The following GTF2F2 variants were observed in gnomAD, a reference collection of about 807,000 sequenced individuals.
GTF2F2 encodes the protein general transcription factor IIF subunit 2, also known as ATP-dependent helicase GTF2F2.
Under a neutral mutation model 42.2 loss-of-function variants are expected in GTF2F2, and 23 were observed. The observed-to-expected ratio is 0.55, with a 90% CI of 0.39 to 0.77. The LOEUF (loss-of-function observed/expected upper bound fraction) is 0.77. Among genes scored for constraint, GTF2F2 ranks in the 30% least tolerant of loss-of-function variants. The pLI is 0.00. For synonymous variants in GTF2F2, 105 were observed against 100.8 expected (o/e 1.04, Z -0.25); for missense variants, 261 against 287.2 (o/e 0.91, Z 0.66).
chr13:45,254,266 T>C (rs1246363828), intron 6 of GTF2F2, among the ~76,000 whole-genome samples: 2 of 152,152 alleles, frequency 1.3e-5, no homozygotes, highest in Non-Finnish European at 2.9e-5. Flanking sequence ...GAGATATGTA[T>C]GTATAGGAAA....
Position 45,252,929 on chromosome 13 carries a change from G to A in GTF2F2, c.445G>A (p.Val149Ile). Residue 149 changes from valine (V) to isoleucine (I), a missense_variant, in exon 6 of 8, where the codon GTA becomes ATA. Physicochemically the swap from Val to Ile is conservative, Grantham distance 29. Coordinates refer to ENST00000340473, the MANE Select transcript of GTF2F2 (RefSeq NM_004128.3). Reference sequence around the variant, plus strand: ...GCTATCACAACAGCTGGACAAAGTTGTAACAACCAATTACAAACCTGTTGC... The same window carrying A: ...GCTATCACAACAGCTGGACAAAGTTATAACAACCAATTACAAACCTGTTGC... ...VRLSQQLDKV[V>I]TTNYKPVANH... 6.7e-7 allele frequency: 1 copy of A among 1,500,646 alleles called. No individual in the cohort carries two copies. The allele number at this position is 1,500,646 out of a possible 1,614,324, so 93.0% of individuals were successfully genotyped here.
intron 1 of GTF2F2, among the ~76,000 whole-genome samples, chr13:45,129,473 G>T (rs1869222908): frequency 7.2e-5 from 11 of 152,158 alleles, no homozygotes; most frequent in Admixed American, 7.2e-4. Context: ...GCCTCCCAAA[G>T]TGCTGGGATT....
chr13:45,140,406 A>G (rs1222951523), intron 2 of GTF2F2, among the ~76,000 whole-genome samples: 2 of 152,202 alleles, frequency 1.3e-5, no homozygotes, highest in Non-Finnish European at 2.9e-5. Context: ...TTTATTGGTC[A>G]GAAAACTCCA....
chr13:45,208,343 G>A (rs991598738), intron 5 of GTF2F2, among the ~76,000 whole-genome samples: 3 of 152,016 alleles, frequency 2.0e-5, no homozygotes, highest in African/African-American at 4.8e-5. Context: ...ATTTTATGAC[G>A]TTCAAAGAGT....
intron 4 of GTF2F2, among the ~76,000 whole-genome samples, chr13:45,157,589 A>T (rs1401300575): frequency 2.0e-5 from 3 of 152,072 alleles, no homozygotes; most frequent in Admixed American, 6.6e-5. Flanking sequence ...CCTGATATCC[A>T]GCTTTATATC....
rs1161627204 is a variant in GTF2F2 at position 45,127,938 on chromosome 13, CTTTTTTTTTTTTTT to C, written c.66+7235_66+7248del. On this transcript the variant is annotated intron_variant, in intron 1 of 7. Coordinates refer to ENST00000340473, the MANE Select transcript of GTF2F2 (RefSeq NM_004128.3). ...GAGCCACTGTGCCTGGCACCCCGGC[CTTTTTTTTTTTTTT>C]TTTTTTTTTTTTTTTTTCTTTTTTT... is the stretch of plus-strand genomic sequence containing the variant. 4.5e-3 allele frequency among the ~76,000 whole-genome samples: 217 copies of C among 48,608 alleles called. 1 individual carries two copies. In the South Asian group the frequency reaches 0.047, roughly 11 times the overall value. The allele number at this position is 48,608 out of a possible 152,430, so 31.9% of individuals were successfully genotyped here.
At chr13:45,244,334 A>T (rs752449517) in intron 5 of GTF2F2, among the ~76,000 whole-genome samples, 15 of 152,196 alleles carry the variant, frequency 9.9e-5, no homozygotes, top group Non-Finnish European at 1.9e-4. Flanking sequence ...AGAAAAATCC[A>T]ATTTTGTTTT....
Position 45,283,565 on chromosome 13 carries a change from G to T in GTF2F2, c.*4G>T. 1.2e-6 allele frequency: 2 copies of T among 1,606,622 alleles called. No homozygotes were observed. Among genetic ancestry groups the T allele is most frequent in the South Asian group, 2.2e-5 (2 of 89,576 alleles). On this transcript the variant is annotated 3_prime_UTR_variant, in exon 8 of 8. Coordinates refer to ENST00000340473, the MANE Select transcript of GTF2F2 (RefSeq NM_004128.3). The stretch of plus-strand genomic sequence containing the variant: ...AGGAGAAGAAAAGAGTGACTAAGAA[G>T]ACTCCTAGCCAGCATGCTAGTGAAA...
At chr13:45,198,880 A>G (rs1873036136) in intron 4 of GTF2F2, among the ~76,000 whole-genome samples, 1 of 152,134 alleles carries the variant, frequency 6.6e-6, no homozygotes, top group South Asian at 2.1e-4. Flanking sequence ...TTTGTGTGTT[A>G]AAAATAAAAA....
chr13:45,225,611 C>CAAAAAA (rs35637992), intron 5 of GTF2F2, among the ~76,000 whole-genome samples: 2 of 65,556 alleles, frequency 3.1e-5, no homozygotes, highest in African/African-American at 5.0e-5. Context: ...AGCTCTGTCT[C>CAAAAAA]AAAAAAAAAA....
chr13:45,222,955 A>G (rs1162250498), intron 5 of GTF2F2, among the ~76,000 whole-genome samples: 1 of 152,226 alleles, frequency 6.6e-6, no homozygotes, highest in Non-Finnish European at 1.5e-5. Context: ...CAGGAGTTCA[A>G]GACCATTCTG....
At chr13:45,245,857 C>T (rs9595275) in intron 5 of GTF2F2, among the ~76,000 whole-genome samples, 4 of 139,380 alleles carry the variant, frequency 2.9e-5, no homozygotes, top group Admixed American at 7.4e-5. Flanking sequence ...AGGAGAATGG[C>T]GTGAACCTGG....
At chr13:45,204,098 G>A (rs1873322004) in intron 4 of GTF2F2, among the ~76,000 whole-genome samples, 1 of 151,690 alleles carries the variant, frequency 6.6e-6, no homozygotes, top group Admixed American at 6.6e-5. Flanking sequence ...AGGTTTTTTG[G>A]GAGTCTATAC....
chr13:45,160,633 A>C (rs1441243794), intron 4 of GTF2F2, among the ~76,000 whole-genome samples: 1 of 152,186 alleles, frequency 6.6e-6, no homozygotes, highest in Non-Finnish European at 1.5e-5. Context: ...CATTAGCATC[A>C]CTACTGATTT....
In GTF2F2 at chr13:45,174,123, GT is replaced by G. The variant is rs535947719; in HGVS notation, c.304+22294del. On this transcript the variant is annotated intron_variant, in intron 4 of 7. Coordinates refer to ENST00000340473, the MANE Select transcript of GTF2F2 (RefSeq NM_004128.3). Reference sequence around the variant, plus strand: ...CCTCTCATTGAAGAATGTCTGGGTTGTTCCCAGATTTTGGCTACTACAAATA... The same window carrying G: ...CCTCTCATTGAAGAATGTCTGGGTTGTCCCAGATTTTGGCTACTACAAATA... Among the ~76,000 whole-genome samples the G allele has an allele frequency of 2.6e-4, 39 of 152,230 alleles. 1 individual carries two copies. The East Asian group carries it at 6.9e-3, about 27-fold the overall frequency.
intron 4 of GTF2F2, among the ~76,000 whole-genome samples, chr13:45,177,262 A>G (rs1871926597): frequency 6.6e-6 from 1 of 151,648 alleles, no homozygotes; most frequent in South Asian, 2.1e-4. Context: ...TTTTAGGCTC[A>G]CTCTCTTCTC....
chr13:45,191,920 AGAT>A (rs1872675043), intron 4 of GTF2F2, among the ~76,000 whole-genome samples: 1 of 152,142 alleles, frequency 6.6e-6, no homozygotes, highest in Non-Finnish European at 1.5e-5. Context: ...GCTTCTAAGG[AGAT>A]CTGTTCAGCT....
intron 6 of GTF2F2, among the ~76,000 whole-genome samples, chr13:45,260,791 G>C (rs565893839): frequency 6.6e-6 from 1 of 152,006 alleles, no homozygotes; most frequent in East Asian, 1.9e-4. Context: ...AGGCTGAGGC[G>C]GGTGGATCAC....
At chr13:45,280,477 C>G (rs1190727785) in intron 7 of GTF2F2, among the ~76,000 whole-genome samples, 1 of 152,148 alleles carries the variant, frequency 6.6e-6, no homozygotes, top group Non-Finnish European at 1.5e-5. Flanking sequence ...GTAAAATGGT[C>G]TTAGGTTGCA....
Sources: allele counts gnomAD v4.1 joint callset (sites outside exome capture counted in the v4.1 genomes callset), GRCh38; gene constraint gnomAD v4.1.1; transcripts MANE v1.5; gene names NCBI Gene and HGNC (gene_info 2026-07-23, HGNC 2026-07-21).